The following CR1 variants were observed in gnomAD, a reference collection of about 807,000 sequenced individuals.
CR1 encodes the protein complement receptor type 1.
CR1 carries 116 observed loss-of-function variants against 187.3 expected under a neutral mutation model. The ratio of observed to expected loss-of-function variants is 0.62; its 90% confidence interval spans 0.53 to 0.72. The LOEUF is 0.72. Ranked by LOEUF, CR1 falls within the 30% of genes least tolerant of loss-of-function variation. The pLI is 0.00. For synonymous variants in CR1, 576 were observed against 747.1 expected, an observed-to-expected ratio of 0.77 and a Z score of 3.73; for missense variants, 1,731 against 2,110.7, an observed-to-expected ratio of 0.82 and a Z score of 3.52.
chr1:207,582,714 G>A (rs1571557991), intron 32 of CR1, among the ~76,000 whole-genome samples: 1 of 152,174 alleles, frequency 6.6e-6, no homozygotes. Context: ...GTGATGATGA[G>A]AAGTGATCAA....
At chr1:207,594,201 C>A (rs901958998) in intron 35 of CR1, among the ~76,000 whole-genome samples, 1 of 152,130 alleles carries the variant, frequency 6.6e-6, no homozygotes, top group Non-Finnish European at 1.5e-5. Flanking sequence ...TTGGAACCAA[C>A]CCAAATGCCC....
chr1:207,607,509 T>A (rs896841971), intron 36 of CR1, among the ~76,000 whole-genome samples, 173 bp downstream of exon 36: 2 of 152,208 alleles, frequency 1.3e-5, no homozygotes, highest in African/African-American at 4.8e-5. Context: ...AGGTGATTTA[T>A]CTGAAACTGT....
chr1:207,596,618 A>AAATAAT (rs1047357241), intron 35 of CR1, among the ~76,000 whole-genome samples: 2 of 150,708 alleles, frequency 1.3e-5, no homozygotes, highest in Admixed American at 6.6e-5. Flanking sequence ...CTGTCTCAAA[A>AAATAAT]AATAATAATA....
intron 34 of CR1, 87 bp from the exon 35 acceptor site, chr1:207,588,588 G>A: frequency 1.2e-6 from 1 of 831,082 alleles, no homozygotes; most frequent in Non-Finnish European, 2.0e-6. Context: ...AACTGTATAT[G>A]CTGTTTAGTA....
Position 207,623,043 on chromosome 1 carries a change from T to A in CR1, c.7327T>A (p.Trp2443Arg). ...FFILLIIFLS[W>R]IILKHRKGNN... is the part of the protein sequence containing the mutation. ...TATTTTACTCATCATTTTCCTCTCT[T>A]GGATAATTCTAAAGCACAGAAAAGG... The change falls in exon 45 of 47, where the codon TGG becomes AGG. Residue 2443 changes from tryptophan to arginine, a missense_variant. Trp to Arg is a moderately radical substitution (Grantham distance 101). Coordinates refer to ENST00000367049, the MANE Select transcript of CR1 (RefSeq NM_000651.6). 6.3e-7 allele frequency: 1 copy of A among 1,580,686 alleles called. No homozygotes were observed. The highest frequency in any genetic ancestry group is 8.6e-7 in the Non-Finnish European group (1 of 1,160,330).
At chr1:207,603,352 A>G (rs977437448) in intron 35 of CR1, among the ~76,000 whole-genome samples, 1 of 152,082 alleles carries the variant, frequency 6.6e-6, no homozygotes, top group Non-Finnish European at 1.5e-5. Context: ...TTAAGGCACA[A>G]ATATGTTGTA....
chr1:207,513,201 T>A (rs1413171782), intron 4 of CR1, among the ~76,000 whole-genome samples: 1 of 152,206 alleles, frequency 6.6e-6, no homozygotes, highest in East Asian at 1.9e-4. Flanking sequence ...CCAATAACAA[T>A]GTCCTCTTCA....
intron 35 of CR1, among the ~76,000 whole-genome samples, chr1:207,594,697 G>T (rs536974698): frequency 7.9e-5 from 12 of 152,126 alleles, no homozygotes; most frequent in Non-Finnish European, 1.6e-4. Flanking sequence ...ACAACTAACT[G>T]CCCCTTGTCA....
At chr1:207,566,075 A>G (rs537909010) in intron 24 of CR1, among the ~76,000 whole-genome samples, 152 bp downstream of exon 24, 1 of 150,436 alleles carries the variant, frequency 6.6e-6, no homozygotes, top group South Asian at 2.1e-4. Flanking sequence ...TTGTGAATCA[A>G]TATGTACATC....
At position 207,614,434 on chromosome 1, in the gene CR1, T is replaced by C. The variant is rs1662034066; in HGVS notation, c.6606T>C (p.His2202=). The C allele has an allele frequency of 1.2e-6, 2 of 1,611,120 alleles. No homozygotes were observed. Among genetic ancestry groups the C allele is most frequent in the East Asian group, 4.5e-5 (2 of 44,684 alleles). The part of the protein sequence containing the change: ...GFRLKGRSAS[H]CVLAGMKALW... ...GATTAAAAGGCAGGTCTGCTAGTCA[T>C]TGTGTCTTGGCTGGAATGAAAGCCC... The change falls in exon 40 of 47, where the codon CAT becomes CAC. Residue 2202 remains histidine, a synonymous_variant. Coordinates refer to ENST00000367049, the MANE Select transcript of CR1 (RefSeq NM_000651.6).
chr1:207,625,759 G>A (rs960529558), intron 45 of CR1, among the ~76,000 whole-genome samples: 5 of 152,110 alleles, frequency 3.3e-5, no homozygotes, highest in African/African-American at 1.2e-4. Context: ...TCCACCTCTG[G>A]TTGGGGGCCA....
chr1:207,498,456 A>G (rs1158189202), intron 1 of CR1, among the ~76,000 whole-genome samples: 1 of 152,226 alleles, frequency 6.6e-6, no homozygotes, highest in Non-Finnish European at 1.5e-5. Flanking sequence ...GCTATTTGAA[A>G]GAGGACTTAG....
intron 46 of CR1, among the ~76,000 whole-genome samples, chr1:207,633,138 T>C (rs1311385938): frequency 6.6e-6 from 1 of 152,184 alleles, no homozygotes; most frequent in Non-Finnish European, 1.5e-5. Flanking sequence ...CTATCTAAAT[T>C]CCCTGAACCC....
At chr1:207,619,712 A>T (rs922968833) in intron 42 of CR1, among the ~76,000 whole-genome samples, 168 bp from the exon 43 acceptor site, 1 of 152,250 alleles carries the variant, frequency 6.6e-6, no homozygotes, top group African/African-American at 2.4e-5. Context: ...GAGTCAGGAA[A>T]TGTTAAATCA....
At chr1:207,596,920 C>T (rs950513703) in intron 35 of CR1, among the ~76,000 whole-genome samples, 3 of 148,010 alleles carry the variant, frequency 2.0e-5, no homozygotes, top group African/African-American at 7.4e-5. Flanking sequence ...GTGTAAAGTA[C>T]TATTTTCTCT....
rs1174101886 is a variant in CR1 at position 207,580,289 on chromosome 1, T to C, written c.4986T>C (p.His1662=). The C allele has an allele frequency of 6.2e-7, 1 of 1,613,812 alleles. No individual in the cohort carries two copies. Among genetic ancestry groups the C allele is most frequent in the Non-Finnish European group, 8.5e-7 (1 of 1,179,826 alleles). The part of the protein sequence containing the change: ...EILHGEHTPS[H]QDNFSPGQEV... ...TGCATGGTGAGCATACCCCAAGCCA[T>C]CAGGACAACTTTTCACCTGGGCAGG... The change falls in exon 30 of 47, where the codon CAT becomes CAC. Residue 1662 remains histidine (H), a synonymous_variant. Coordinates refer to ENST00000367049, the MANE Select transcript of CR1 (RefSeq NM_000651.6).
At chr1:207,508,340 C>T (rs12567990) in intron 3 of CR1, among the ~76,000 whole-genome samples, 30,284 of 152,166 alleles carry the variant, frequency 0.2, 3,304 homozygotes, top group South Asian at 0.44. Flanking sequence ...TTGCGAAAAA[C>T]GTACCACCCT....
chr1:207,578,857 G>T (rs1006576824), intron 29 of CR1, among the ~76,000 whole-genome samples: 4 of 152,128 alleles, frequency 2.6e-5, no homozygotes, highest in African/African-American at 9.7e-5. Context: ...ATTTTATTTT[G>T]ATTTTATTTT....
intron 37 of CR1, 121 bp downstream of exon 37, chr1:207,609,809 C>A: frequency 1.0e-6 from 1 of 1,001,684 alleles, no homozygotes; most frequent in Non-Finnish European, 1.4e-6. Context: ...ATAGTAGCTT[C>A]ACTGTCTGTT....
Sources: allele counts gnomAD v4.1 joint callset (sites outside exome capture counted in the v4.1 genomes callset), GRCh38; gene constraint gnomAD v4.1.1; transcripts MANE v1.5; gene names NCBI Gene and HGNC (gene_info 2026-07-23, HGNC 2026-07-21).